The following KCNK10 variants were observed in gnomAD, a reference collection of about 807,000 sequenced individuals.
The protein encoded by KCNK10 is potassium two pore domain channel subfamily K member 10.
Under a neutral mutation model 47.7 loss-of-function variants are expected in KCNK10, and 25 were observed. That is an observed-to-expected ratio of 0.52 (90% CI 0.38 to 0.73). The LOEUF (loss-of-function observed/expected upper bound fraction) is 0.73. Ranked by LOEUF, KCNK10 falls within the 30% of genes least tolerant of loss-of-function variation. The pLI, the probability that KCNK10 is intolerant of heterozygous loss-of-function variation, is 0.00. For missense variants in KCNK10, 563 were observed against 714.5 expected (o/e 0.79, Z 2.42); for synonymous variants, 303 against 285.6 (o/e 1.06, Z -0.61).
At chr14:88,217,811 C>T (rs1046601699) in intron 4 of KCNK10, among the ~76,000 whole-genome samples, 9 of 152,114 alleles carry the variant, frequency 5.9e-5, no homozygotes, top group Admixed American at 4.6e-4. Context: ...CAACCTCTGC[C>T]TCCCCGGTTC....
intron 1 of KCNK10, among the ~76,000 whole-genome samples, chr14:88,294,448 T>C (rs1240580918): frequency 2.0e-5 from 3 of 152,256 alleles, no homozygotes; most frequent in African/African-American, 7.2e-5. Context: ...CCTGGATGCA[T>C]GATCTGAGCC....
At chr14:88,217,080 C>A (rs550998071) in intron 4 of KCNK10, among the ~76,000 whole-genome samples, 14 of 152,330 alleles carry the variant, frequency 9.2e-5, no homozygotes, top group African/African-American at 3.1e-4. Context: ...TCGCTTGAAC[C>A]CAAGAGGCGG....
At chr14:88,308,515 G>A (rs1005380853) in intron 1 of KCNK10, among the ~76,000 whole-genome samples, 14 of 152,362 alleles carry the variant, frequency 9.2e-5, no homozygotes, top group African/African-American at 3.4e-4. Flanking sequence ...TAGACACTTT[G>A]GAAATCACGT....
intron 1 of KCNK10, among the ~76,000 whole-genome samples, chr14:88,275,080 T>C (rs2139766625): frequency 6.6e-6 from 1 of 152,274 alleles, no homozygotes; most frequent in East Asian, 1.9e-4. Context: ...TCCTGCGCCT[T>C]TTCTCCTGAT....
Position 88,185,778 on chromosome 14 carries a change from G to A in KCNK10, c.1389C>T (p.Asn463=). The A allele has an allele frequency of 6.2e-7, 1 of 1,614,174 alleles. No homozygotes were observed. The highest frequency in any genetic ancestry group is 8.5e-7 in the Non-Finnish European group (1 of 1,180,040). The change falls in exon 7 of 7, where the codon AAC becomes AAT. Residue 463 remains asparagine, a synonymous_variant. Coordinates refer to ENST00000319231, the MANE Select transcript of KCNK10 (RefSeq NM_138317.3). This position sits in a 1 kb window ranked among gnomAD's most constrained non-coding sequence, Gnocchi z 4.3. ...CGGGCAAGGTCTTTTTGAGGTCCTTGTTTTTCCTCTTGGTGAGTCTGGAGG... is the reference window on the plus strand; with the variant it reads ...CGGGCAAGGTCTTTTTGAGGTCCTTATTTTTCCTCTTGGTGAGTCTGGAGG... ...GSTSRLTKRK[N]KDLKKTLPED...
rs144780511 is a variant in KCNK10 at position 88,319,912 on chromosome 14, T to C, written c.52+2835A>G. ...ATCTGTAAAATTAGGATAATACCTT[T>C]CTCCTAAAATGTTTGTGAAGATTAA... On this transcript the variant is annotated intron_variant, in intron 1 of 6. Coordinates refer to ENST00000319231, the MANE Select transcript of KCNK10 (RefSeq NM_138317.3). Among the ~76,000 whole-genome samples the C allele has an allele frequency of 1.2e-4, 19 of 152,338 alleles. No homozygotes were observed. In the East Asian group the frequency reaches 3.3e-3, roughly 26 times the overall value.
intron 1 of KCNK10, among the ~76,000 whole-genome samples, chr14:88,278,574 C>T (rs931568520): frequency 5.3e-5 from 8 of 152,156 alleles, no homozygotes; most frequent in African/African-American, 7.2e-5. Context: ...GCAAGATCTT[C>T]GTAAACAGCA....
intron 1 of KCNK10, among the ~76,000 whole-genome samples, chr14:88,305,129 G>A (rs1329649309): frequency 6.6e-6 from 1 of 151,970 alleles, no homozygotes; most frequent in Non-Finnish European, 1.5e-5. Flanking sequence ...AACCTGGGAT[G>A]TGGAGGTTGC....
chr14:88,307,593 G>A (rs1888229994), intron 1 of KCNK10, among the ~76,000 whole-genome samples: 1 of 152,072 alleles, frequency 6.6e-6, no homozygotes, highest in Admixed American at 6.5e-5. Flanking sequence ...ATTTTAAATA[G>A]GTAATTTTAT....
At chr14:88,270,532 G>C (rs780159395) in intron 1 of KCNK10, among the ~76,000 whole-genome samples, 1 of 152,172 alleles carries the variant, frequency 6.6e-6, no homozygotes, top group Admixed American at 6.5e-5. Context: ...TTTGGGTGAA[G>C]CATTGCTCCC....
rs929029506 is a variant in KCNK10, at chr14:88,244,484, T to C, written c.403-3664A>G. On this transcript the variant is annotated intron_variant, in intron 2 of 6. Coordinates refer to ENST00000319231, the MANE Select transcript of KCNK10 (RefSeq NM_138317.3). ...GAGTTTGAGGCCATCCTGCCTAACA[T>C]GGTGAAACCCCATCTCTACTAAAAA... Among the ~76,000 whole-genome samples the C allele has an allele frequency of 5.9e-5, 9 of 152,066 alleles. No individual in the cohort carries two copies. The East Asian group carries it at 1.2e-3, about 20-fold the overall frequency.
chr14:88,245,543 G>T (rs1237344878), intron 2 of KCNK10, among the ~76,000 whole-genome samples: 3 of 152,158 alleles, frequency 2.0e-5, no homozygotes, highest in Admixed American at 6.5e-5. Flanking sequence ...GACAGCGTGC[G>T]ATACCATCAT....
chr14:88,204,630 T>A (rs76403556), intron 4 of KCNK10, among the ~76,000 whole-genome samples: 1,928 of 133,282 alleles, frequency 0.014, 24 homozygotes, highest in Non-Finnish European at 0.021. Context: ...GACCCCTCTC[T>A]CTTGCTGTAG....
chr14:88,274,573 A>G (rs1231610624), intron 1 of KCNK10, among the ~76,000 whole-genome samples: 2 of 150,364 alleles, frequency 1.3e-5, no homozygotes, highest in Admixed American at 6.6e-5. Context: ...AAAAGATCTT[A>G]TGGCTTAAGT....
intron 1 of KCNK10, among the ~76,000 whole-genome samples, chr14:88,304,343 T>C (rs954815555): frequency 5.3e-5 from 8 of 152,030 alleles, no homozygotes; most frequent in African/African-American, 1.9e-4. Flanking sequence ...GAAATAAAAA[T>C]ACTGAATTGA....
At chr14:88,220,773 G>A (rs951243148) in intron 4 of KCNK10, among the ~76,000 whole-genome samples, 1 of 151,878 alleles carries the variant, frequency 6.6e-6, no homozygotes, top group African/African-American at 2.4e-5. Context: ...AGGTAACATA[G>A]GAAGAAATCT....
At chr14:88,245,543 G>A (rs1237344878) in intron 2 of KCNK10, among the ~76,000 whole-genome samples, 4 of 152,158 alleles carry the variant, frequency 2.6e-5, no homozygotes, top group Non-Finnish European at 4.4e-5. Flanking sequence ...GACAGCGTGC[G>A]ATACCATCAT....
intron 3 of KCNK10, among the ~76,000 whole-genome samples, chr14:88,228,476 A>C (rs2139873844): frequency 6.6e-6 from 1 of 152,298 alleles, no homozygotes. Context: ...AAATTAATTA[A>C]TATTCATTTT....
chr14:88,240,920 A>G, intron 2 of KCNK10, 100 bp from the exon 3 acceptor site: 1 of 697,426 alleles, frequency 1.4e-6, no homozygotes, highest in Non-Finnish European at 2.4e-6. Flanking sequence ...TCCCCTACTC[A>G]AGAACCTGCA....
Sources: gnomAD v4.1 joint callset for allele counts (sites outside exome capture counted in the v4.1 genomes callset) on GRCh38, gnomAD v4.1.1 for gene constraint, Gnocchi (gnomAD v3.1) non-coding constraint, MANE v1.5 for transcripts, NCBI Gene and HGNC (gene_info 2026-07-23, HGNC 2026-07-21) for gene names.